PLXNA4: variants seen among roughly 807,000 people sequenced by gnomAD.
PLXNA4 encodes the protein plexin-A4.
A neutral mutation model predicts 191.8 loss-of-function variants in PLXNA4; 44 were observed. The ratio of observed to expected loss-of-function variants is 0.23; its 90% CI spans 0.18 to 0.29. The LOEUF is 0.29. PLXNA4 is among the 10% of genes least tolerant of loss of function. The pLI is 1.00. For missense variants in PLXNA4, 1,800 were observed against 2,488.8 expected, an observed-to-expected ratio of 0.72 and a Z score of 5.89; for synonymous variants, 1,082 against 1,009.5, an observed-to-expected ratio of 1.07 and a Z score of -1.36.
intron 2 of PLXNA4, among the ~76,000 whole-genome samples, chr7:132,600,057 A>G (rs2116838945): frequency 6.6e-6 from 1 of 152,314 alleles, no homozygotes; most frequent in South Asian, 2.1e-4. Context: ...GTTTGAATAC[A>G]TTGTTTAATT....
rs1237364565 is a variant in PLXNA4 at position 132,223,712 on chromosome 7, A to G, written c.1983-71T>C. 49 of 1,180,870 alleles carry G rather than the reference A, an allele frequency of 4.1e-5. 3 individuals carry two copies. The South Asian group carries it at 4.9e-4, about 12-fold the overall frequency. 73.1% of individuals were successfully genotyped at this position (1,180,870 alleles called of 1,614,324 possible). ...CCCAAAGCAGAGGGCTTGAGTCTCT[A>G]TGGTCTAGCAAAACATTTTTAGTAT... On this transcript the variant is annotated intron_variant, in intron 8 of 31. Transcript: ENST00000321063.
At chr7:132,600,626 G>A (rs114287520) in intron 2 of PLXNA4, among the ~76,000 whole-genome samples, 1,782 of 152,262 alleles carry the variant, frequency 0.012, 42 homozygotes, top group African/African-American at 0.041. Context: ...CCTGGCCTCA[G>A]CCTCCCAAAG....
chr7:132,211,339 T>C (rs1797794250), intron 9 of PLXNA4, among the ~76,000 whole-genome samples, 196 bp from the exon 10 acceptor site: 1 of 152,200 alleles, frequency 6.6e-6, no homozygotes, highest in Non-Finnish European at 1.5e-5. Context: ...GAAGTCCTAG[T>C]GTCATATCTT....
chr7:132,589,142 A>T (rs1585389318), intron 2 of PLXNA4, among the ~76,000 whole-genome samples: 1 of 152,330 alleles, frequency 6.6e-6, no homozygotes, highest in Middle Eastern at 3.4e-3. Flanking sequence ...TGCAGATCAA[A>T]GTTGTTTCAG....
chr7:132,302,916 G>A (rs1299044608), intron 3 of PLXNA4, among the ~76,000 whole-genome samples: 2 of 152,050 alleles, frequency 1.3e-5, no homozygotes, highest in Non-Finnish European at 2.9e-5. Context: ...TGCTCTTGTT[G>A]CCCAGGCTGG....
chr7:132,616,933 A>T (rs1006159595), intron 2 of PLXNA4, among the ~76,000 whole-genome samples: 2 of 152,150 alleles, frequency 1.3e-5, no homozygotes, highest in African/African-American at 4.8e-5. Flanking sequence ...TGCTCTGTCC[A>T]GCAAATGGGT....
At chr7:132,443,216 T>G (rs1425515441) in intron 3 of PLXNA4, among the ~76,000 whole-genome samples, 1 of 152,170 alleles carries the variant, frequency 6.6e-6, no homozygotes, top group Non-Finnish European at 1.5e-5. Flanking sequence ...GAGGTTTTCC[T>G]TCCTTTTTGT....
At chr7:132,262,689 G>A (rs775846981) in intron 4 of PLXNA4, among the ~76,000 whole-genome samples, 2 of 152,178 alleles carry the variant, frequency 1.3e-5, no homozygotes, top group East Asian at 1.9e-4. Flanking sequence ...TATTCCTTGC[G>A]TGCACTAAGG....
At chr7:132,413,397 A>G (rs1235703684) in intron 3 of PLXNA4, among the ~76,000 whole-genome samples, 1 of 152,212 alleles carries the variant, frequency 6.6e-6, no homozygotes, top group East Asian at 1.9e-4. Flanking sequence ...GCACACAACC[A>G]GGACAACTCT....
chr7:132,645,138 C>A (rs1803842526), intron 2 of PLXNA4, among the ~76,000 whole-genome samples: 1 of 152,188 alleles, frequency 6.6e-6, no homozygotes, highest in Admixed American at 6.5e-5. Context: ...TACAATGTAA[C>A]CAGATGTCAA....
chr7:132,171,595 C>T (rs778835076), intron 21 of PLXNA4, among the ~76,000 whole-genome samples: 1 of 152,194 alleles, frequency 6.6e-6, no homozygotes, highest in Non-Finnish European at 1.5e-5. Flanking sequence ...AGATAGCACA[C>T]TTGGTGTGAG....
chr7:132,379,113 A>G (rs1332357882), intron 3 of PLXNA4, among the ~76,000 whole-genome samples: 2 of 152,132 alleles, frequency 1.3e-5, no homozygotes, highest in Non-Finnish European at 2.9e-5. Context: ...AGCCTCCCAA[A>G]GTGCTGGGAT....
At chr7:132,279,436 C>T (rs1199286678) in intron 4 of PLXNA4, among the ~76,000 whole-genome samples, 1 of 152,082 alleles carries the variant, frequency 6.6e-6, no homozygotes, top group Non-Finnish European at 1.5e-5. Flanking sequence ...TGAGACCAGC[C>T]TGGGCAACAT....
At chr7:132,460,064 T>C (rs1010152530) in intron 3 of PLXNA4, among the ~76,000 whole-genome samples, 1 of 152,078 alleles carries the variant, frequency 6.6e-6, no homozygotes, top group Non-Finnish European at 1.5e-5. Flanking sequence ...ACTGTTTAAA[T>C]TCCATTTGGC....
At chr7:132,525,545 A>G (rs1321555352) in intron 1 of PLXNA4, among the ~76,000 whole-genome samples, 1 of 152,198 alleles carries the variant, frequency 6.6e-6, no homozygotes, top group South Asian at 2.1e-4. Context: ...GATGGTTTTT[A>G]ATAAAGATCC....
intron 3 of PLXNA4, among the ~76,000 whole-genome samples, chr7:132,422,165 G>A (rs1794872880): frequency 6.6e-6 from 1 of 152,194 alleles, no homozygotes; most frequent in African/African-American, 2.4e-5. Flanking sequence ...TGGAAAACAA[G>A]GGTGAACATG....
At chr7:132,447,423 C>T (rs1053126332) in intron 3 of PLXNA4, among the ~76,000 whole-genome samples, 1 of 152,126 alleles carries the variant, frequency 6.6e-6, no homozygotes, top group African/African-American at 2.4e-5. Flanking sequence ...CTCCTAAGTA[C>T]TGATGTTTTC....
At chr7:132,390,295 T>C (rs190471419) in intron 3 of PLXNA4, among the ~76,000 whole-genome samples, 3 of 152,226 alleles carry the variant, frequency 2.0e-5, no homozygotes, top group Admixed American at 2.0e-4. Flanking sequence ...GAAACCATCA[T>C]TCTCAGCAAA....
chr7:132,603,810 A>G (rs1802865684), intron 2 of PLXNA4, among the ~76,000 whole-genome samples: 1 of 152,166 alleles, frequency 6.6e-6, no homozygotes, highest in Non-Finnish European at 1.5e-5. Flanking sequence ...AATTTTAAAA[A>G]CTGTATCACA....
Sources: allele counts gnomAD v4.1 joint callset (sites outside exome capture counted in the v4.1 genomes callset), GRCh38; gene constraint gnomAD v4.1.1; transcripts MANE v1.5; gene names NCBI Gene and HGNC (gene_info 2026-07-23, HGNC 2026-07-21).